PCBP3: variants seen among roughly 807,000 people sequenced by gnomAD.
PCBP3 encodes the protein poly(rC) binding protein 3, also known as poly(rC)-binding protein 3.
PCBP3 carries 25 observed loss-of-function variants against 52.7 expected under a neutral mutation model. That is an observed-to-expected ratio of 0.47 (90% confidence interval 0.35 to 0.66). The LOEUF (loss-of-function observed/expected upper bound fraction) is 0.66, where lower values mean the gene tolerates loss of function less well. PCBP3 is among the 30% of genes least tolerant of loss of function. The pLI is 0.01. For synonymous variants in PCBP3, 162 were observed against 183.0 expected, an observed-to-expected ratio of 0.89 and a Z score of 0.93; for missense variants, 391 against 490.3, an observed-to-expected ratio of 0.80 and a Z score of 1.91.
intron 4 of PCBP3, among the ~76,000 whole-genome samples, chr21:45,841,404 A>G (rs1258066299): frequency 2.1e-5 from 1 of 48,142 alleles, no homozygotes; most frequent in African/African-American, 5.5e-5. Context: ...TCTACTTTTC[A>G]TTTCTGAAAA....
chr21:45,728,940 A>G (rs1186813773), intron 2 of PCBP3, among the ~76,000 whole-genome samples: 1 of 152,210 alleles, frequency 6.6e-6, no homozygotes, highest in East Asian at 1.9e-4. Context: ...ATGCAATTAA[A>G]GTACACCAAA....
At chr21:45,901,388 G>A (rs1039383043) in intron 9 of PCBP3, 1 of 399,140 alleles carries the variant, frequency 2.5e-6, no homozygotes, top group Non-Finnish European at 4.8e-6. Flanking sequence ...CCTGCCCTGG[G>A]GCACCGAGCA....
chr21:45,659,077 T>C (rs1569085287), intron 1 of PCBP3, among the ~76,000 whole-genome samples: 1 of 148,944 alleles, frequency 6.7e-6, no homozygotes, highest in Non-Finnish European at 1.5e-5. Context: ...TCAGTTTCAT[T>C]GGTCTTTTTT....
chr21:45,837,980 T>C lies in PCBP3; in HGVS notation c.-125-11981T>C, dbSNP rs534389035. Among the ~76,000 whole-genome samples, 22 of 152,384 alleles carry C rather than the reference T, an allele frequency of 1.4e-4. No homozygotes were observed. The highest frequency in any genetic ancestry group is 5.3e-4 in the African/African-American group (22 of 41,600). On this transcript the variant is annotated intron_variant, in intron 4 of 17. Coordinates refer to ENST00000681687, the MANE Select transcript of PCBP3 (RefSeq NM_001384156.1). The surrounding 1 kb of genome is among the most constrained non-coding windows in gnomAD (Gnocchi z 4.1). ...GTACTTATTAGTTGGGATTCATCTATGTGGAATAACGTTTGCCTCATCCAC... is the reference window on the plus strand; with the variant it reads ...GTACTTATTAGTTGGGATTCATCTACGTGGAATAACGTTTGCCTCATCCAC...
intron 5 of PCBP3, among the ~76,000 whole-genome samples, chr21:45,869,562 C>T (rs2094914194): frequency 1.3e-5 from 2 of 152,200 alleles, no homozygotes; most frequent in Non-Finnish European, 2.9e-5. Context: ...CTGCTCCTCT[C>T]GCCGTCCCCA....
chr21:45,934,295 C>T lies in PCBP3; in HGVS notation c.857-958C>T, dbSNP rs542498489. ...CAGCGTTAGACTTGCAGGTTGGAGC[C>T]GCCACTTGTCCAGGAAATGGAAATG... On this transcript the variant is annotated intron_variant, in intron 15 of 17. Transcript: ENST00000681687. 1.2e-3 allele frequency among the ~76,000 whole-genome samples: 181 copies of T among 152,130 alleles called. 1 individual carries two copies. The highest frequency in any genetic ancestry group is 1.3e-3 in the Non-Finnish European group (91 of 67,984).
intron 2 of PCBP3, among the ~76,000 whole-genome samples, chr21:45,691,926 T>G (rs879943972): frequency 6.6e-6 from 1 of 152,190 alleles, no homozygotes; most frequent in Non-Finnish European, 1.5e-5. Context: ...AGCCAGGAGA[T>G]GGACCAGTGA....
chr21:45,762,491 C>CTT (rs374275789), intron 4 of PCBP3: 8 of 104,690 alleles, frequency 7.6e-5, no homozygotes, highest in Admixed American at 1.1e-4. Flanking sequence ...CTTTTCTTCT[C>CTT]TTTTTTTTTT....
intron 4 of PCBP3, among the ~76,000 whole-genome samples, chr21:45,810,406 C>T (rs1229857222): frequency 4.0e-5 from 6 of 151,604 alleles, no homozygotes; most frequent in East Asian, 1.9e-4. Context: ...ACAGGGAGTA[C>T]AGTACACCAT....
In PCBP3 at chr21:45,822,539, G is replaced by A. The variant is rs553127552; in HGVS notation, c.-125-27422G>A. 1.1e-4 allele frequency among the ~76,000 whole-genome samples: 17 copies of A among 152,272 alleles called. No individual in the cohort carries two copies. In the East Asian group the frequency reaches 3.1e-3, roughly 28 times the overall value. ...GAGGGGCGGATATGGCATGGGACAG[G>A]GTTAGGAGAGCAAGGGGTGGACCTG... On this transcript the variant is annotated intron_variant, in intron 4 of 17. Coordinates refer to ENST00000681687, the MANE Select transcript of PCBP3 (RefSeq NM_001384156.1).
chr21:45,703,305 T>C (rs1052857753), intron 2 of PCBP3, among the ~76,000 whole-genome samples: 2 of 152,226 alleles, frequency 1.3e-5, no homozygotes, highest in Non-Finnish European at 2.9e-5. Context: ...ATCAGAGGAA[T>C]CACCATCTGT....
intron 2 of PCBP3, among the ~76,000 whole-genome samples, chr21:45,710,192 G>A (rs2083737246): frequency 6.6e-6 from 1 of 152,132 alleles, no homozygotes; most frequent in Non-Finnish European, 1.5e-5. Flanking sequence ...TAGGGTACCT[G>A]TGCACAACGT....
chr21:45,741,678 A>G lies in PCBP3; in HGVS notation c.-162+6249A>G, dbSNP rs573935127. ...TTTATAGTTTTATTAAAAATAAAAAATTTTAAAGGTTATATGGCAAATATT... is the reference window on the plus strand; with the variant it reads ...TTTATAGTTTTATTAAAAATAAAAAGTTTTAAAGGTTATATGGCAAATATT... On this transcript the variant is annotated intron_variant, in intron 3 of 17. Coordinates refer to ENST00000681687, the MANE Select transcript of PCBP3 (RefSeq NM_001384156.1). The surrounding 1 kb of genome is among the most constrained non-coding windows in gnomAD (Gnocchi z 4.5). Among the ~76,000 whole-genome samples the G allele has an allele frequency of 3.6e-3, 545 of 152,276 alleles. 6 individuals carry two copies. Among genetic ancestry groups the G allele is most frequent in the Non-Finnish European group, 5.6e-3 (383 of 68,016 alleles).
intron 1 of PCBP3, among the ~76,000 whole-genome samples, chr21:45,653,528 A>G (rs2079820453): frequency 6.6e-6 from 1 of 152,080 alleles, no homozygotes. Flanking sequence ...GGTATGTCTG[A>G]TGTTAATATT....
chr21:45,770,082 G>A (rs1248486350), intron 4 of PCBP3, among the ~76,000 whole-genome samples: 1 of 152,200 alleles, frequency 6.6e-6, no homozygotes, highest in Non-Finnish European at 1.5e-5. Flanking sequence ...TGGCGGCCTC[G>A]TGTTGGACAT....
chr21:45,894,781 G>A (rs1259751993), intron 5 of PCBP3, among the ~76,000 whole-genome samples: 1 of 152,252 alleles, frequency 6.6e-6, no homozygotes, highest in African/African-American at 2.4e-5. Context: ...GCACAGTGCA[G>A]CGAGAGCATT....
At chr21:45,922,986 G>C (rs2074667163) in intron 13 of PCBP3, among the ~76,000 whole-genome samples, 1 of 152,236 alleles carries the variant, frequency 6.6e-6, no homozygotes, top group South Asian at 2.1e-4. Context: ...GTCGTTGTAA[G>C]TGGGAGCCAG....
chr21:45,688,678 T>C (rs2082293061), intron 2 of PCBP3, among the ~76,000 whole-genome samples: 1 of 152,028 alleles, frequency 6.6e-6, no homozygotes, highest in African/African-American at 2.4e-5. Flanking sequence ...GCATAATCAT[T>C]GTACTTGAAA....
intron 5 of PCBP3, among the ~76,000 whole-genome samples, chr21:45,883,789 T>C (rs1394812153): frequency 6.6e-6 from 1 of 152,214 alleles, no homozygotes; most frequent in Non-Finnish European, 1.5e-5. Flanking sequence ...GAAGTGAGTT[T>C]TCTGTAGACA....
Sources: gnomAD v4.1 joint callset for allele counts (sites outside exome capture counted in the v4.1 genomes callset) on GRCh38, gnomAD v4.1.1 for gene constraint, Gnocchi (gnomAD v3.1) non-coding constraint, MANE v1.5 for transcripts, NCBI Gene and HGNC (gene_info 2026-07-23, HGNC 2026-07-21) for gene names.